The following ANTXRL variants were observed in gnomAD, a reference collection of about 807,000 sequenced individuals.
ANTXRL encodes anthrax toxin receptor-like.
In ANTXRL, 63 loss-of-function variants were observed where a neutral mutation model predicts 75.4. That is an observed-to-expected ratio of 0.84 (90% CI 0.68 to 1.03). The LOEUF (loss-of-function observed/expected upper bound fraction) is 1.03. ANTXRL is among the 50% of genes least tolerant of loss of function. ANTXRL has a pLI of 0.00. For missense variants in ANTXRL, 797 were observed against 789.4 expected, an observed-to-expected ratio of 1.01 and a Z score of -0.12; for synonymous variants, 335 against 291.3, an observed-to-expected ratio of 1.15 and a Z score of -1.53.
chr10:46,304,409 T>C (rs186601151), intron 10 of ANTXRL, among the ~76,000 whole-genome samples: 3 of 152,146 alleles, frequency 2.0e-5, no homozygotes, highest in Non-Finnish European at 4.4e-5. Flanking sequence ...GATTAGGGAA[T>C]TGTTTTAAGA....
chr10:46,313,798 CTAT>C (rs1838569972), intron 16 of ANTXRL, among the ~76,000 whole-genome samples: 1 of 152,146 alleles, frequency 6.6e-6, no homozygotes, highest in Non-Finnish European at 1.5e-5. Context: ...CCAGTAGGTG[CTAT>C]TATTATCCAG....
At position 46,329,927 on chromosome 10, in the gene ANTXRL, G is replaced by T; in HGVS notation, c.1739G>T (p.Ser580Ile). 6.5e-7 allele frequency: 1 copy of T among 1,535,918 alleles called. No homozygotes were observed. Residue 580 changes from serine to isoleucine, a missense_variant, in exon 17 of 17, where the codon AGC (serine) becomes ATC (isoleucine). Physicochemically the swap from Ser to Ile is moderately radical, Grantham distance 142. Transcript: ENST00000620264. ...AACCCAAAGAGCTGCCTTCAACCCA[G>T]CCGGGAGTGCCTCCCCCTCACCTGC... ...LCNPKSCLQP[S>I]RECLPLTCSS... is the part of the protein sequence containing the mutation.
chr10:46,319,295 T>G (rs1243056995), intron 16 of ANTXRL, among the ~76,000 whole-genome samples: 1 of 152,080 alleles, frequency 6.6e-6, no homozygotes, highest in Admixed American at 6.5e-5. Flanking sequence ...TTGATCTCAG[T>G]ATGGAATTCA....
chr10:46,294,661 G>C (rs1330713799), intron 3 of ANTXRL, among the ~76,000 whole-genome samples: 1 of 152,154 alleles, frequency 6.6e-6, no homozygotes, highest in African/African-American at 2.4e-5. Context: ...GTCCTGCGCT[G>C]TGGGTTTGTC....
chr10:46,300,861 C>A (rs1170030789), intron 9 of ANTXRL, among the ~76,000 whole-genome samples: 1 of 152,048 alleles, frequency 6.6e-6, no homozygotes, highest in Admixed American at 6.6e-5. Context: ...TTTCTTCCAC[C>A]CTTTTATTGT....
At chr10:46,308,425 CTCCTCT>C in intron 12 of ANTXRL, 2 of 377,274 alleles carry the variant, frequency 5.3e-6, no homozygotes, top group Non-Finnish European at 1.1e-5. Context: ...CTCCCCTCCC[CTCCTCT>C]CCACTCCCCT....
rs1344570774 is a variant in ANTXRL, at chr10:46,287,030, A to T, written c.-233A>T. ...AGAATTCTGTCCCCAGGGTGGGGGA[A>T]GGGCCAGGCAGGTAGCTGGAAGCAA... On this transcript the variant is annotated 5_prime_UTR_variant, in exon 1 of 17. It adds an upstream start codon to the 5' untranslated region. Transcript: ENST00000620264. The T allele has an allele frequency of 1.4e-5, 8 of 577,908 alleles. No homozygotes were observed. The highest frequency in any genetic ancestry group is 2.1e-5 in the Non-Finnish European group (7 of 329,784). 35.8% of individuals were successfully genotyped at this position (577,908 alleles called of 1,614,324 possible). A position where few individuals can be genotyped will look rare whatever the true frequency, so the allele number is the denominator to read the frequency against.
At position 46,329,956 on chromosome 10, in the gene ANTXRL, T is replaced by C; in HGVS notation, c.1768T>C (p.Ser590Pro). ...GGAGTGCCTCCCCCTCACCTGCTCC[T>C]CCAGGTGCCGCCTCCCCCCAGCTAG... The part of the protein sequence containing the change: ...SRECLPLTCS[S>P]RCRLPPARCL... The change falls in exon 17 of 17, where the codon TCC (serine) becomes CCC (proline). Residue 590 changes from serine (S) to proline (P), a missense_variant. This residue lies in a region of ANTXRL where 479 missense variants were observed against 422.0 expected (regional missense o/e 1.14). Transcript: ENST00000620264. The C allele has an allele frequency of 6.5e-7, 1 of 1,532,824 alleles. No individual in the cohort carries two copies. Among genetic ancestry groups the C allele is most frequent in the Non-Finnish European group, 8.7e-7 (1 of 1,145,948 alleles). The allele number at this position is 1,532,824 out of a possible 1,614,324, so 95.0% of individuals were successfully genotyped here.
chr10:46,309,181 C>T lies in ANTXRL; in HGVS notation c.1113C>T (p.Val371=), dbSNP rs782375427. 383 of 1,529,188 alleles carry T rather than the reference C, an allele frequency of 2.5e-4. 4 individuals are homozygous for T. The highest frequency in any genetic ancestry group is 1.7e-3 in the Middle Eastern group (10 of 5,976). 94.7% of individuals were successfully genotyped at this position (1,529,188 alleles called of 1,614,324 possible). ...TTGTGCCACTGCTGCTGTGTTGTGTCTGGCGGCTGTGCCGCAAGCAGGCAA... is the reference window on the plus strand; with the variant it reads ...TTGTGCCACTGCTGCTGTGTTGTGTTTGGCGGCTGTGCCGCAAGCAGGCAA... ...LLLVPLLLCC[V]WRLCRKQTVK... The change falls in exon 13 of 17, where the codon GTC becomes GTT. Residue 371 remains valine (V), a synonymous_variant. Transcript: ENST00000620264.
In ANTXRL at chr10:46,297,347, T is replaced by TA; in HGVS notation, c.585+20dup. 1 of 1,536,204 alleles carries TA rather than the reference T, an allele frequency of 6.5e-7. No individual in the cohort carries two copies. Among genetic ancestry groups the TA allele is most frequent in the Non-Finnish European group, 8.7e-7 (1 of 1,146,690 alleles). On this transcript the variant is annotated intron_variant, in intron 6 of 16. Coordinates refer to ENST00000620264, the MANE Select transcript of ANTXRL (RefSeq NM_001278688.3). The stretch of plus-strand genomic sequence containing the variant: ...CAGAGAAGTGAGTCCAGTTCATACT[T>TA]ACCAGCATTTTGCTCCATGTATTTT...
intron 16 of ANTXRL, among the ~76,000 whole-genome samples, chr10:46,314,703 AG>A (rs1394259195): frequency 6.6e-6 from 1 of 152,184 alleles, no homozygotes. Context: ...GGGCTCTGCC[AG>A]GCCCTTGCCA....
At chr10:46,304,506 A>C (rs1479558264) in intron 10 of ANTXRL, among the ~76,000 whole-genome samples, 1 of 152,074 alleles carries the variant, frequency 6.6e-6, no homozygotes, top group African/African-American at 2.4e-5. Context: ...GTTCCTGTAG[A>C]AGTATTTTTT....
chr10:46,294,038 A>T (rs1837218815), intron 3 of ANTXRL, 138 bp downstream of exon 3: 1 of 711,880 alleles, frequency 1.4e-6, no homozygotes, highest in Non-Finnish European at 2.3e-6. Flanking sequence ...AACTCACAGT[A>T]CCCACCTGAC....
chr10:46,312,366 CAT>C (rs1554963751), intron 15 of ANTXRL, among the ~76,000 whole-genome samples: 1 of 147,272 alleles, frequency 6.8e-6, no homozygotes, highest in African/African-American at 2.5e-5. Flanking sequence ...GTCCAGGGCC[CAT>C]CTTGCTGAGG....
intron 9 of ANTXRL, among the ~76,000 whole-genome samples, chr10:46,301,187 C>T (rs1837717540): frequency 2.0e-5 from 3 of 152,252 alleles, no homozygotes; most frequent in African/African-American, 7.2e-5. Flanking sequence ...CTCCCGGGCA[C>T]ACACTGAGCC....
At chr10:46,318,439 C>T in intron 16 of ANTXRL, among the ~76,000 whole-genome samples, 1 of 152,016 alleles carries the variant, frequency 6.6e-6, no homozygotes, top group East Asian at 1.9e-4. Context: ...CATGAGCTTG[C>T]TATGTTATTT....
chr10:46,298,107 T>A (rs546994472), intron 9 of ANTXRL, 45 bp downstream of exon 9: 6 of 1,222,936 alleles, frequency 4.9e-6, no homozygotes, highest in South Asian at 1.3e-5. Context: ...GTGGTGTGCA[T>A]GAGTGCATGC....
intron 16 of ANTXRL, among the ~76,000 whole-genome samples, chr10:46,327,634 C>G (rs1275094839): frequency 6.6e-6 from 1 of 152,092 alleles, no homozygotes; most frequent in Non-Finnish European, 1.5e-5. Flanking sequence ...GAGACCATCT[C>G]TGTAGGGGAA....
chr10:46,305,861 T>A (rs1403399390), intron 10 of ANTXRL, among the ~76,000 whole-genome samples: 1 of 152,030 alleles, frequency 6.6e-6, no homozygotes, highest in Non-Finnish European at 1.5e-5. Context: ...GGTGTCGCTG[T>A]CCACCCAGTT....
Sources: gnomAD v4.1 joint callset for allele counts (sites outside exome capture counted in the v4.1 genomes callset) on GRCh38, gnomAD v4.1.1 for gene constraint, gnomAD v4.1.1 regional missense constraint, MANE v1.5 for transcripts, NCBI Gene and HGNC (gene_info 2026-07-23, HGNC 2026-07-21) for gene names.